The following PTPRZ1 variants were observed in gnomAD, a reference collection of about 807,000 sequenced individuals.
PTPRZ1 encodes receptor-type tyrosine-protein phosphatase zeta.
A neutral mutation model predicts 214.1 loss-of-function variants in PTPRZ1; 82 were observed. The ratio of observed to expected loss-of-function variants is 0.38; its 90% CI spans 0.32 to 0.46. The LOEUF (loss-of-function observed/expected upper bound fraction) is 0.46. Among genes scored for constraint, PTPRZ1 ranks in the 20% least tolerant of loss-of-function variants. The probability of loss-of-function intolerance (pLI) is 1.00; values close to 1 mark genes in which losing one functional copy is unlikely to be tolerated. For missense variants in PTPRZ1, 2,603 were observed against 2,748.7 expected, an observed-to-expected ratio of 0.95 and a Z score of 1.19; for synonymous variants, 945 against 987.9, an observed-to-expected ratio of 0.96 and a Z score of 0.81.
intron 15 of PTPRZ1, 102 bp from the exon 16 acceptor site, chr7:122,033,993 T>C: frequency 9.8e-7 from 1 of 1,018,168 alleles, no homozygotes; most frequent in South Asian, 1.4e-5. Context: ...TGCATGATCA[T>C]AGTTTTCCAT....
rs980153444 is a variant in PTPRZ1 at position 122,013,571 on chromosome 7, A to G, written c.4525A>G (p.Asn1509Asp). The change falls in exon 12 of 30, where the codon AAT (asparagine) becomes GAT (aspartate). Residue 1509 changes from asparagine (N) to aspartate (D), a missense_variant. Physicochemically the swap from Asn to Asp is conservative, Grantham distance 23. Coordinates refer to ENST00000393386, the MANE Select transcript of PTPRZ1 (RefSeq NM_002851.3). The part of the protein sequence containing the change: ...DRSPGKSPSA[N>D]GLSQKHNDGK... ...AAGTCCTGGTAAATCACCATCAGCA[A>G]ATGGGCTATCCCAAAAGCACAATGA... The G allele has an allele frequency of 1.4e-5, 23 of 1,614,196 alleles. No homozygotes were observed. Among genetic ancestry groups the G allele is most frequent in the Non-Finnish European group, 1.8e-5 (21 of 1,180,014 alleles).
At chr7:122,028,791 A>G (rs928258908) in intron 14 of PTPRZ1, 148 bp downstream of exon 14, 7 of 608,090 alleles carry the variant, frequency 1.2e-5, no homozygotes, top group Non-Finnish European at 1.7e-5. Context: ...TTATTACATT[A>G]TGTTCCAGGT....
At chr7:121,991,406 C>G (rs1380404081) in intron 8 of PTPRZ1, among the ~76,000 whole-genome samples, 1 of 151,994 alleles carries the variant, frequency 6.6e-6, no homozygotes, top group Non-Finnish European at 1.5e-5. Flanking sequence ...ATATTTAATA[C>G]AAACTTAAAA....
chr7:121,983,421 T>C (rs568298447), intron 6 of PTPRZ1, among the ~76,000 whole-genome samples: 2 of 152,378 alleles, frequency 1.3e-5, no homozygotes, highest in Non-Finnish European at 2.9e-5. Context: ...AGTATTTTTA[T>C]ATGTAAAATA....
intron 11 of PTPRZ1, among the ~76,000 whole-genome samples, chr7:122,008,331 G>C (rs1798553129): frequency 6.6e-6 from 1 of 152,014 alleles, no homozygotes; most frequent in African/African-American, 2.4e-5. Context: ...TTTCCTTTGT[G>C]TTTCCTTTAA....
chr7:122,048,983 GT>G (rs1358892867), intron 23 of PTPRZ1, among the ~76,000 whole-genome samples: 1 of 152,040 alleles, frequency 6.6e-6, no homozygotes, highest in Admixed American at 6.6e-5. Context: ...AAATCCAGCA[GT>G]GTATTTCTTT....
At chr7:122,061,013 C>T in intron 29 of PTPRZ1, 67 bp from the exon 30 acceptor site, 1 of 1,445,124 alleles carries the variant, frequency 6.9e-7, no homozygotes, top group South Asian at 1.3e-5. Flanking sequence ...AAAAATATTT[C>T]TTCTTTTTAC....
At chr7:121,877,099 A>C (rs1046639621) in intron 1 of PTPRZ1, among the ~76,000 whole-genome samples, 1 of 152,194 alleles carries the variant, frequency 6.6e-6, no homozygotes, top group African/African-American at 2.4e-5. Flanking sequence ...CATCTGCTCA[A>C]GTGTCTACTA....
chr7:121,953,797 C>T (rs563145587), intron 2 of PTPRZ1, among the ~76,000 whole-genome samples: 12 of 151,768 alleles, frequency 7.9e-5, no homozygotes, highest in African/African-American at 4.8e-5. Context: ...TCAAAGAAAA[C>T]GGTGATTCGG....
At chr7:122,050,290 A>G (rs1390209571) in intron 23 of PTPRZ1, among the ~76,000 whole-genome samples, 2 of 151,484 alleles carry the variant, frequency 1.3e-5, no homozygotes, top group Non-Finnish European at 2.9e-5. Context: ...AAAAAATACC[A>G]AAATTAGCCA....
chr7:122,049,365 A>G (rs894795757), intron 23 of PTPRZ1, among the ~76,000 whole-genome samples: 3 of 152,080 alleles, frequency 2.0e-5, no homozygotes, highest in African/African-American at 7.2e-5. Flanking sequence ...AAAGGTAGAA[A>G]AGGATTTGCA....
intron 2 of PTPRZ1, among the ~76,000 whole-genome samples, chr7:121,938,004 CAT>C (rs1208159036): frequency 6.6e-6 from 1 of 152,066 alleles, no homozygotes; most frequent in Admixed American, 6.6e-5. Context: ...ATGTATGTAT[CAT>C]ATATTTCATA....
chr7:121,912,442 G>A (rs1795306460), intron 1 of PTPRZ1, among the ~76,000 whole-genome samples: 1 of 152,212 alleles, frequency 6.6e-6, no homozygotes, highest in Admixed American at 6.5e-5. Context: ...GGATCGAAGA[G>A]TGTACTAGTT....
At chr7:121,883,877 C>T (rs778676021) in intron 1 of PTPRZ1, among the ~76,000 whole-genome samples, 11 of 152,168 alleles carry the variant, frequency 7.2e-5, no homozygotes, top group African/African-American at 2.2e-4. Flanking sequence ...CCACCCTCCT[C>T]GGCCTCCCAA....
At position 122,042,701 on chromosome 7, in the gene PTPRZ1, A is replaced by G. The variant is rs745373333; in HGVS notation, c.5895A>G (p.Leu1965=). 1 of 1,613,400 alleles carries G rather than the reference A, an allele frequency of 6.2e-7. No homozygotes were observed. The highest frequency in any genetic ancestry group is 2.2e-5 in the East Asian group (1 of 44,870). ...GAACTGTCAACATATTTGGCTTCTT[A>G]AAACACATCCGTTCACAAAGAAATT... ...HEGTVNIFGF[L]KHIRSQRNYL... Residue 1965 remains leucine (L), a synonymous_variant, in exon 22 of 30, where the codon TTA becomes TTG. Transcript: ENST00000393386.
At chr7:122,049,904 T>C (rs1379500906) in intron 23 of PTPRZ1, among the ~76,000 whole-genome samples, 1 of 152,170 alleles carries the variant, frequency 6.6e-6, no homozygotes, top group Non-Finnish European at 1.5e-5. Flanking sequence ...ATAATAGTAT[T>C]GGAAAACGGA....
chr7:121,922,145 T>C (rs1795619766), intron 1 of PTPRZ1, among the ~76,000 whole-genome samples: 1 of 152,182 alleles, frequency 6.6e-6, no homozygotes, highest in Non-Finnish European at 1.5e-5. Context: ...TTGGGTTAGA[T>C]CATTTGGGTC....
In PTPRZ1 at chr7:122,022,519, G is replaced by A. The variant is rs6949360; in HGVS notation, c.4988+3251G>A. Among the ~76,000 whole-genome samples the A allele has an allele frequency of 5.4e-3, 824 of 152,246 alleles. 3 individuals are homozygous for A. The highest frequency in any genetic ancestry group is 0.019 in the African/African-American group (791 of 41,540). ...GAGGGGGCCTCCAAAGCTGAAAGAG[G>A]AGAACCTGAGTTGTGTGTTTTTATA... On this transcript the variant is annotated intron_variant, in intron 13 of 29. Coordinates refer to ENST00000393386, the MANE Select transcript of PTPRZ1 (RefSeq NM_002851.3).
At chr7:122,043,157 A>G (rs569639399) in intron 22 of PTPRZ1, among the ~76,000 whole-genome samples, 5 of 152,368 alleles carry the variant, frequency 3.3e-5, no homozygotes, top group African/African-American at 9.6e-5. Context: ...ACTCTGAGTT[A>G]TCAGGCGGTT....
Sources: allele counts gnomAD v4.1 joint callset (sites outside exome capture counted in the v4.1 genomes callset), GRCh38; gene constraint gnomAD v4.1.1; transcripts MANE v1.5; gene names NCBI Gene and HGNC (gene_info 2026-07-23, HGNC 2026-07-21).